The following GRM1 variants were observed in gnomAD, a reference collection of about 807,000 sequenced individuals.
The protein encoded by GRM1 is glutamate metabotropic receptor 1, also known as metabotropic glutamate receptor 1.
Under a neutral mutation model 90.9 loss-of-function variants are expected in GRM1, and 33 were observed. That is an observed-to-expected ratio of 0.36 (90% CI 0.28 to 0.49). The LOEUF (loss-of-function observed/expected upper bound fraction) is 0.49. Among genes scored for constraint, GRM1 ranks in the 20% least tolerant of loss-of-function variants. The pLI, the probability that GRM1 is intolerant of heterozygous loss-of-function variation, is 0.99. For synonymous variants in GRM1, 700 were observed against 613.2 expected (o/e 1.14, Z -2.09); for missense variants, 1,190 against 1,534.3 (o/e 0.78, Z 3.75).
intron 6 of GRM1, 85 bp downstream of exon 6, chr6:146,387,101 A>T (rs1159163952): frequency 1.6e-6 from 2 of 1,249,826 alleles, no homozygotes; most frequent in Middle Eastern, 1.9e-4. Context: ...TGATTAGCTC[A>T]TGTCTTCTCA....
At chr6:146,127,737 C>G (rs1306942337) in intron 1 of GRM1, among the ~76,000 whole-genome samples, 1 of 152,100 alleles carries the variant, frequency 6.6e-6, no homozygotes, top group Non-Finnish European at 1.5e-5. Context: ...TTCAATCTCC[C>G]CAAGGTTCAG....
chr6:146,377,918 G>T (rs1034122307), intron 5 of GRM1, among the ~76,000 whole-genome samples: 1 of 152,200 alleles, frequency 6.6e-6, no homozygotes, highest in Non-Finnish European at 1.5e-5. Flanking sequence ...TTGCACGGAA[G>T]TTGGAAGTGT....
intron 3 of GRM1, among the ~76,000 whole-genome samples, chr6:146,350,343 T>G (rs1008777314): frequency 6.6e-6 from 1 of 152,100 alleles, no homozygotes; most frequent in Non-Finnish European, 1.5e-5. Flanking sequence ...TTTATTCTGA[T>G]ATTTTTCTAC....
intron 3 of GRM1, among the ~76,000 whole-genome samples, chr6:146,339,707 C>T (rs362833): frequency 0.011 from 1,711 of 152,206 alleles, 71 homozygotes; most frequent in East Asian, 0.079. Context: ...AAGCAAAGTG[C>T]GCTGATATCA....
chr6:146,231,971 A>G (rs1332441723), intron 2 of GRM1, among the ~76,000 whole-genome samples: 1 of 152,042 alleles, frequency 6.6e-6, no homozygotes, highest in East Asian at 1.9e-4. Flanking sequence ...ACATTCTGGG[A>G]AAGTTAGTGT....
chr6:146,140,986 C>T (rs567079360), intron 1 of GRM1, among the ~76,000 whole-genome samples: 2 of 152,250 alleles, frequency 1.3e-5, no homozygotes, highest in East Asian at 1.9e-4. Context: ...ACCTTCAGAT[C>T]GTTTTTTATT....
chr6:146,308,580 A>G (rs1449197006), intron 3 of GRM1, among the ~76,000 whole-genome samples: 1 of 152,218 alleles, frequency 6.6e-6, no homozygotes, highest in African/African-American at 2.4e-5. Flanking sequence ...TTACATAGTT[A>G]GTGCCAATAT....
At chr6:146,271,108 A>G (rs1341241591) in intron 2 of GRM1, among the ~76,000 whole-genome samples, 2 of 151,306 alleles carry the variant, frequency 1.3e-5, no homozygotes, top group Non-Finnish European at 2.9e-5. Flanking sequence ...AGGTTCAAGC[A>G]ATTCTCCTGC....
intron 7 of GRM1, among the ~76,000 whole-genome samples, chr6:146,432,613 T>C (rs2114693424): frequency 6.6e-6 from 1 of 152,358 alleles, no homozygotes; most frequent in Non-Finnish European, 1.5e-5. Flanking sequence ...GTCATAAATG[T>C]GTTACTATTA....
At chr6:146,357,106 T>C (rs362888) in intron 4 of GRM1, among the ~76,000 whole-genome samples, 30,177 of 152,108 alleles carry the variant, frequency 0.2, 3,300 homozygotes, top group Middle Eastern at 0.27. Flanking sequence ...GTAAAACTCA[T>C]CCCTTTTAAT....
intron 7 of GRM1, among the ~76,000 whole-genome samples, chr6:146,422,279 G>T (rs1218850777): frequency 1.3e-5 from 2 of 152,152 alleles, no homozygotes; most frequent in Admixed American, 6.5e-5. Context: ...GGAAGAGAGA[G>T]AAAATAAAGT....
chr6:146,346,162 T>C (rs889633459), intron 3 of GRM1, among the ~76,000 whole-genome samples: 1 of 152,232 alleles, frequency 6.6e-6, no homozygotes, highest in African/African-American at 2.4e-5. Context: ...GCAATTGTAT[T>C]TTCAGAGAAT....
At chr6:146,396,803 A>C (rs1445665460) in intron 6 of GRM1, among the ~76,000 whole-genome samples, 1 of 152,244 alleles carries the variant, frequency 6.6e-6, no homozygotes, top group Admixed American at 6.5e-5. Context: ...TAAAAAGCTT[A>C]TGTCTAATTA....
chr6:146,184,282 C>A (rs1235243581), intron 2 of GRM1, among the ~76,000 whole-genome samples: 3 of 152,112 alleles, frequency 2.0e-5, no homozygotes, highest in Non-Finnish European at 2.9e-5. Flanking sequence ...CACTTAATTT[C>A]CCTCCAGAAG....
At chr6:146,127,236 G>A (rs1776229711) in intron 1 of GRM1, among the ~76,000 whole-genome samples, 1 of 152,162 alleles carries the variant, frequency 6.6e-6, no homozygotes, top group Admixed American at 6.6e-5. Flanking sequence ...GGAGAGCCAG[G>A]GGCTACACTG....
upstream of GRM1, among the ~76,000 whole-genome samples, chr6:146,028,628 G>C (rs550004731): frequency 5.9e-5 from 9 of 152,024 alleles, no homozygotes; most frequent in Non-Finnish European, 1.0e-4. Flanking sequence ...TCCTCCATAC[G>C]GAGACTTTAC....
intron 2 of GRM1, among the ~76,000 whole-genome samples, chr6:146,161,899 T>G (rs1478115202): frequency 1.3e-5 from 2 of 152,164 alleles, no homozygotes; most frequent in Non-Finnish European, 2.9e-5. Flanking sequence ...CAGAGCCAAG[T>G]AGTGAGACGA....
chr6:146,365,526 G>A (rs1775645421), intron 5 of GRM1: 1 of 152,224 alleles, frequency 6.6e-6, no homozygotes, highest in South Asian at 2.1e-4. Flanking sequence ...AGGCTGACAT[G>A]TCTTTGGTGG....
chr6:146,424,241 C>CT (rs1402350281), intron 7 of GRM1, among the ~76,000 whole-genome samples: 1 of 152,228 alleles, frequency 6.6e-6, no homozygotes, highest in Non-Finnish European at 1.5e-5. Context: ...TGCAGTGGCA[C>CT]TTCCGGTCCA....
Sources: allele counts gnomAD v4.1 joint callset (sites outside exome capture counted in the v4.1 genomes callset), GRCh38; gene constraint gnomAD v4.1.1; transcripts MANE v1.5; gene names NCBI Gene and HGNC (gene_info 2026-07-23, HGNC 2026-07-21).